RARB: variants seen among roughly 807,000 people sequenced by gnomAD.
RARB encodes retinoic acid receptor beta.
RARB carries 17 observed loss-of-function variants against 51.9 expected under a neutral mutation model. That is an observed-to-expected ratio of 0.33 (90% CI 0.22 to 0.49). RARB has a LOEUF of 0.49. Ranked by LOEUF, RARB falls within the 20% of genes least tolerant of loss-of-function variation. The pLI, the probability that RARB is intolerant of heterozygous loss-of-function variation, is 0.99. For synonymous variants in RARB, 215 were observed against 195.4 expected (o/e 1.10, Z -0.84); for missense variants, 369 against 550.8 (o/e 0.67, Z 3.30).
intron 3 of RARB, among the ~76,000 whole-genome samples, chr3:25,101,522 T>C (rs984237285): frequency 2.0e-5 from 3 of 152,102 alleles, no homozygotes; most frequent in African/African-American, 7.2e-5. Context: ...TTGTTTTATC[T>C]TAGAAACTTT....
chr3:25,558,141 A>G (rs558316404), intron 3 of RARB, among the ~76,000 whole-genome samples: 1 of 152,260 alleles, frequency 6.6e-6, no homozygotes, highest in East Asian at 1.9e-4. Context: ...GACTTCTCCT[A>G]CAGGTTGGAT....
At chr3:25,318,697 T>C (rs1469831187) in intron 5 of RARB, among the ~76,000 whole-genome samples, 1 of 152,194 alleles carries the variant, frequency 6.6e-6, no homozygotes, top group East Asian at 1.9e-4. Context: ...TCTTTGGTCT[T>C]CTTGAAAGAA....
At chr3:25,005,039 T>C (rs1428716882) in intron 2 of RARB, among the ~76,000 whole-genome samples, 1 of 152,188 alleles carries the variant, frequency 6.6e-6, no homozygotes, top group Non-Finnish European at 1.5e-5. Flanking sequence ...TTATAAAATT[T>C]ATTCAGAATT....
chr3:24,986,141 C>G (rs1010833905), intron 2 of RARB, among the ~76,000 whole-genome samples: 8 of 152,186 alleles, frequency 5.3e-5, no homozygotes, highest in Non-Finnish European at 1.0e-4. Flanking sequence ...CTGTGCAGTA[C>G]AGTTCATTGA....
At chr3:25,269,975 T>G (rs981272118) in intron 5 of RARB, among the ~76,000 whole-genome samples, 2 of 152,152 alleles carry the variant, frequency 1.3e-5, no homozygotes, top group African/African-American at 4.8e-5. Flanking sequence ...GCGTACCATT[T>G]AGTATGGCTA....
intron 1 of RARB, among the ~76,000 whole-genome samples, chr3:24,853,318 A>AAAT (rs1356067024): frequency 6.6e-6 from 1 of 152,054 alleles, no homozygotes; most frequent in Non-Finnish European, 1.5e-5. Context: ...CTCTATCTTA[A>AAAT]AATAATAATA....
intron 5 of RARB, among the ~76,000 whole-genome samples, chr3:25,262,069 C>T (rs1278352251): frequency 1.3e-5 from 2 of 152,132 alleles, no homozygotes; most frequent in African/African-American, 4.8e-5. Context: ...AGACTAAAGG[C>T]CAAAGACCAG....
At chr3:25,369,099 C>T (rs781121778) in intron 5 of RARB, among the ~76,000 whole-genome samples, 2 of 152,142 alleles carry the variant, frequency 1.3e-5, no homozygotes, top group Admixed American at 6.5e-5. Flanking sequence ...TTTTAAATTA[C>T]ATAGCAATTT....
chr3:24,929,167 G>T (rs772816179), intron 2 of RARB, among the ~76,000 whole-genome samples: 4 of 152,046 alleles, frequency 2.6e-5, no homozygotes, highest in African/African-American at 4.8e-5. Flanking sequence ...GTAAACAAAT[G>T]TATAAAGGGA....
At chr3:24,982,606 A>C (rs1007528603) in intron 2 of RARB, among the ~76,000 whole-genome samples, 2 of 152,188 alleles carry the variant, frequency 1.3e-5, no homozygotes, top group South Asian at 2.1e-4. Context: ...CTTCAGACAG[A>C]AAAGAAGTGA....
chr3:25,196,093 T>G (rs1003396197), intron 5 of RARB, among the ~76,000 whole-genome samples: 1 of 152,070 alleles, frequency 6.6e-6, no homozygotes, highest in Non-Finnish European at 1.5e-5. Flanking sequence ...TTTTATTCTT[T>G]ATGTTCTAGG....
chr3:25,479,377 T>C (rs1328824515), intron 2 of RARB, among the ~76,000 whole-genome samples: 3 of 152,232 alleles, frequency 2.0e-5, no homozygotes, highest in Non-Finnish European at 4.4e-5. Flanking sequence ...TTGTTGTGCA[T>C]GGTATTATGC....
At chr3:25,183,844 A>G (rs905700013) in intron 5 of RARB, among the ~76,000 whole-genome samples, 4 of 152,028 alleles carry the variant, frequency 2.6e-5, no homozygotes, top group African/African-American at 9.7e-5. Context: ...CTTCTCCCTT[A>G]TATTTAGAGC....
chr3:25,252,080 C>T (rs1228231476), intron 5 of RARB, among the ~76,000 whole-genome samples: 3 of 152,048 alleles, frequency 2.0e-5, no homozygotes, highest in Admixed American at 6.6e-5. Context: ...CATGTGAATA[C>T]ACAGTTGTCC....
intron 1 of RARB, 124 bp from the exon 2 acceptor site, chr3:25,461,069 G>A: frequency 8.9e-7 from 1 of 1,119,438 alleles, no homozygotes; most frequent in Non-Finnish European, 1.2e-6. Context: ...CTGTTTTTAT[G>A]AGCCCATTCT....
intron 1 of RARB, among the ~76,000 whole-genome samples, chr3:24,829,485 T>A (rs1481595018): frequency 6.6e-6 from 1 of 151,626 alleles, no homozygotes; most frequent in African/African-American, 2.4e-5. Context: ...AGCCCCAAGC[T>A]GGGTCTGGAA....
At chr3:25,483,679 CAAGG>C (rs1696336983) in intron 2 of RARB, among the ~76,000 whole-genome samples, 1 of 152,030 alleles carries the variant, frequency 6.6e-6, no homozygotes, top group Admixed American at 6.6e-5. Context: ...GAGATAAGAG[CAAGG>C]GAGACTGGAG....
chr3:25,127,862 TAG>T (rs1699886924), intron 3 of RARB, among the ~76,000 whole-genome samples: 2 of 151,938 alleles, frequency 1.3e-5, no homozygotes, highest in African/African-American at 4.8e-5. Context: ...TTACGAAGAG[TAG>T]TTCACTTCTG....
chr3:25,579,537 TAC>T (rs1418084284), intron 4 of RARB, among the ~76,000 whole-genome samples: 5 of 152,274 alleles, frequency 3.3e-5, no homozygotes, highest in Non-Finnish European at 7.3e-5. Flanking sequence ...TAGCATGTAT[TAC>T]AGTTTCCTTC....
Sources: allele counts gnomAD v4.1 joint callset (sites outside exome capture counted in the v4.1 genomes callset), GRCh38; gene constraint gnomAD v4.1.1; transcripts MANE v1.5; gene names NCBI Gene and HGNC (gene_info 2026-07-23, HGNC 2026-07-21).